CERKL: variants seen among roughly 807,000 people sequenced by gnomAD.
The protein encoded by CERKL is CERK like autophagy regulator.
In CERKL, 61 loss-of-function variants were observed where a neutral mutation model predicts 63.4. The ratio of observed to expected loss-of-function variants is 0.96; its 90% CI spans 0.78 to 1.19. CERKL has a LOEUF of 1.19. Ranked by LOEUF, CERKL falls within the 50% of genes most tolerant of loss-of-function variation. The pLI is 0.00. For synonymous variants in CERKL, 250 were observed against 230.5 expected, an observed-to-expected ratio of 1.08 and a Z score of -0.77; for missense variants, 675 against 655.5, an observed-to-expected ratio of 1.03 and a Z score of -0.33.
Position 181,547,651 on chromosome 2 carries a change from G to A in CERKL, c.1235C>T (p.Ser412Leu). The A allele has an allele frequency of 6.2e-7, 1 of 1,614,010 alleles. No homozygotes were observed. The highest frequency in any genetic ancestry group is 8.5e-7 in the Non-Finnish European group (1 of 1,179,942). ...AGGTGCCAAGCCTCTAGGTGCCACTGAACACAGGCAAGGAATTGCCATAAT... is the reference window on the plus strand; with the variant it reads ...AGGTGCCAAGCCTCTAGGTGCCACTAAACACAGGCAAGGAATTGCCATAAT... Reference protein sequence around the residue: ...VSIMAIPCLCSVAPRGLAPNT... With the variant: ...VSIMAIPCLCLVAPRGLAPNT... The change falls in exon 10 of 13, where the codon TCA (serine) becomes TTA (leucine). Residue 412 changes from serine (S) to leucine (L), a missense_variant. Transcript: ENST00000410087.
rs767246700 is a variant in CERKL at position 181,604,026 on chromosome 2, T to A, written c.292A>T (p.Ile98Leu). 2.5e-6 allele frequency: 4 copies of A among 1,610,122 alleles called. No individual in the cohort carries two copies. In the South Asian group the frequency reaches 4.4e-5, roughly 18 times the overall value. ...CGCCGTTTCAGTTTCACAGAGAATA[T>A]GTCTTTGAGTTCAATAAATTCTTCT... The part of the protein sequence containing the change: ...CKEEFIELKD[I>L]FSVKLKRRCS... Residue 98 changes from isoleucine (I) to leucine (L), a missense_variant, in exon 2 of 13, where the codon ATA (isoleucine) becomes TTA (leucine). Transcript: ENST00000410087.
intron 1 of CERKL, among the ~76,000 whole-genome samples, chr2:181,619,606 C>T (rs1346097625): frequency 6.6e-6 from 1 of 152,162 alleles, no homozygotes; most frequent in African/African-American, 2.4e-5. Context: ...CAGAAAATCC[C>T]TTAATCACAC....
At chr2:181,630,891 A>G (rs940114109) in intron 1 of CERKL, among the ~76,000 whole-genome samples, 9 of 152,238 alleles carry the variant, frequency 5.9e-5, no homozygotes, top group Non-Finnish European at 2.9e-5. Flanking sequence ...CATGGCAAGC[A>G]GAGAAACTGA....
chr2:181,656,851 G>A lies in CERKL; in HGVS notation c.156C>T (p.Phe52=), dbSNP rs1473295. 0.49 allele frequency: 786,057 copies of A among 1,601,126 alleles called. 202,088 individuals carry two copies. The highest frequency in any genetic ancestry group is 0.78 in the South Asian group (70,683 of 90,324). ...CGTCACAACTGTCCCTCCCGATCTC[G>A]AAGATGCCCCGGAGCAGAATCCGCT... ...AAERILLRGI[F]EIGRDSCDVV... Residue 52 remains phenylalanine, a synonymous_variant, in exon 1 of 13, where the codon TTC becomes TTT. Coordinates refer to ENST00000410087, the MANE Select transcript of CERKL (RefSeq NM_201548.5).
At chr2:181,654,123 A>G (rs892308178) in intron 1 of CERKL, among the ~76,000 whole-genome samples, 9 of 152,046 alleles carry the variant, frequency 5.9e-5, no homozygotes, top group Non-Finnish European at 1.0e-4. Context: ...AAGCACATGC[A>G]TAACTTTATA....
At chr2:181,598,890 A>C (rs931817029) in intron 2 of CERKL, among the ~76,000 whole-genome samples, 21 of 152,152 alleles carry the variant, frequency 1.4e-4, no homozygotes, top group African/African-American at 5.1e-4. Context: ...AAAAAAGTTT[A>C]AGTCCCGCCC....
At chr2:181,543,320 T>G (rs1025606094) in intron 11 of CERKL, among the ~76,000 whole-genome samples, 1 of 152,206 alleles carries the variant, frequency 6.6e-6, no homozygotes, top group Non-Finnish European at 1.5e-5. Context: ...ATATATTCCT[T>G]TGAAAATCAA....
chr2:181,591,140 A>G (rs911373278), intron 2 of CERKL, among the ~76,000 whole-genome samples: 2 of 152,192 alleles, frequency 1.3e-5, no homozygotes, highest in Non-Finnish European at 2.9e-5. Flanking sequence ...GTTTAAAAGG[A>G]AAGTGGCAAA....
intron 1 of CERKL, among the ~76,000 whole-genome samples, chr2:181,620,483 C>A (rs772190990): frequency 6.6e-6 from 1 of 152,116 alleles, no homozygotes; most frequent in Non-Finnish European, 1.5e-5. Flanking sequence ...TCAATGCTCT[C>A]AATATTTGAT....
At chr2:181,557,631 T>G (rs2105818543) in intron 5 of CERKL, among the ~76,000 whole-genome samples, 1 of 152,258 alleles carries the variant, frequency 6.6e-6, no homozygotes, top group Middle Eastern at 3.4e-3. Context: ...TTCCACACGG[T>G]GAGGCAAAAT....
At chr2:181,588,493 G>A (rs1229291936) in intron 2 of CERKL, among the ~76,000 whole-genome samples, 2 of 152,062 alleles carry the variant, frequency 1.3e-5, no homozygotes, top group Non-Finnish European at 2.9e-5. Context: ...TTTATCACTT[G>A]TCCATTGATA....
intron 4 of CERKL, among the ~76,000 whole-genome samples, chr2:181,559,286 CTAGA>C (rs1688337618): frequency 6.6e-6 from 1 of 152,042 alleles, no homozygotes; most frequent in African/African-American, 2.4e-5. Context: ...GCCTTTGATC[CTAGA>C]TAGTACTACT....
intron 1 of CERKL, among the ~76,000 whole-genome samples, chr2:181,623,278 T>A (rs1201687244): frequency 6.6e-6 from 1 of 152,152 alleles, no homozygotes; most frequent in Non-Finnish European, 1.5e-5. Context: ...GAAATTACAT[T>A]AAAATGTAAC....
intron 2 of CERKL, among the ~76,000 whole-genome samples, chr2:181,590,201 G>T (rs534813627): frequency 6.6e-6 from 1 of 151,784 alleles, no homozygotes; most frequent in Non-Finnish European, 1.5e-5. Flanking sequence ...GCAGTGGCAC[G>T]ATCTTGACTC....
chr2:181,627,177 T>C (rs3863937), intron 1 of CERKL, among the ~76,000 whole-genome samples: 56,331 of 152,022 alleles, frequency 0.37, 11,561 homozygotes, highest in South Asian at 0.67. Context: ...TCTTTCCCTG[T>C]AGCAGTTTGG....
chr2:181,579,486 T>C (rs1684407568), intron 2 of CERKL, among the ~76,000 whole-genome samples: 1 of 151,942 alleles, frequency 6.6e-6, no homozygotes, highest in Admixed American at 6.6e-5. Context: ...TTGTCAATTA[T>C]GGCAGTACTT....
intron 4 of CERKL, among the ~76,000 whole-genome samples, chr2:181,561,598 C>A (rs183826745): frequency 1.8e-3 from 268 of 152,128 alleles, no homozygotes; most frequent in Middle Eastern, 6.8e-3. Flanking sequence ...CTATCATTTG[C>A]AGGAGAAATT....
intron 2 of CERKL, among the ~76,000 whole-genome samples, chr2:181,586,863 G>A (rs1338321965): frequency 6.6e-6 from 1 of 152,164 alleles, no homozygotes; most frequent in Non-Finnish European, 1.5e-5. Flanking sequence ...GATGGAAATG[G>A]CATGGTGTTC....
At chr2:181,555,752 CT>C (rs34713780) in intron 5 of CERKL, among the ~76,000 whole-genome samples, 38,359 of 120,018 alleles carry the variant, frequency 0.32, 4,380 homozygotes, top group African/African-American at 0.39. Flanking sequence ...CATTATTAAA[CT>C]TTTTTTTTTT....
Sources: gnomAD v4.1 joint callset for allele counts (sites outside exome capture counted in the v4.1 genomes callset) on GRCh38, gnomAD v4.1.1 for gene constraint, MANE v1.5 for transcripts, NCBI Gene and HGNC (gene_info 2026-07-23, HGNC 2026-07-21) for gene names.